Variants in LUZP4 observed in about 807,000 individuals in gnomAD.
The protein encoded by LUZP4 is leucine zipper protein 4, also known as HOM-TES-85 tumor antigen.
A neutral mutation model predicts 8.5 loss-of-function variants in LUZP4; 11 were observed. That is an observed-to-expected ratio of 1.30 (90% confidence interval 0.82 to 2.14). LUZP4 has a LOEUF of 2.14. LUZP4 is among the 30% of genes most tolerant of loss of function. The pLI is 0.00. For synonymous variants in LUZP4, 104 were observed against 79.4 expected (o/e 1.31, Z -1.65); for missense variants, 276 against 229.7 (o/e 1.20, Z -1.30).
intron 1 of LUZP4, among the ~76,000 whole-genome samples, chrX:115,299,660 C>T (rs941885910): frequency 1.8e-5 from 2 of 110,906 alleles, no homozygotes; most frequent in Non-Finnish European, 3.8e-5. Context: ...ATGAATGCTG[C>T]CTGGTCTGAG....
At chrX:115,302,169 A>T in intron 2 of LUZP4, 46 bp downstream of exon 2, 1 of 1,023,656 alleles carries the variant, frequency 9.8e-7, no homozygotes, top group Non-Finnish European at 1.3e-6. Flanking sequence ...AGAGTCTGAA[A>T]TATTTGTGAA....
chrX:115,306,630 G>T lies in LUZP4; in HGVS notation c.768G>T (p.Gln256His). 1 of 1,210,027 alleles carries T rather than the reference G, an allele frequency of 8.3e-7. No individual in the cohort carries two copies. The highest frequency in any genetic ancestry group is 3.0e-5 in the East Asian group (1 of 33,757). Residue 256 changes from glutamine to histidine, a missense_variant, in exon 4 of 4, where the codon CAG becomes CAT. Physicochemically the swap from Gln to His is conservative, Grantham distance 24. Transcript: ENST00000371920. Reference protein sequence around the residue: ...IATQRDLIATQKDLIATQRDL... With the variant: ...IATQRDLIATHKDLIATQRDL... ...CTCAGAGAGATCTCATAGCCACTCA[G>T]AAAGATCTCATAGCCACTCAGAGAG...
chrX:115,294,698 A>G (rs1338727352), intron 1 of LUZP4, among the ~76,000 whole-genome samples: 1 of 111,948 alleles, frequency 8.9e-6, no homozygotes, highest in Non-Finnish European at 1.9e-5. Flanking sequence ...TGTAACTTGA[A>G]TAATAGTGAA....
chrX:115,305,810 A>G (rs1202433087), intron 3 of LUZP4, among the ~76,000 whole-genome samples: 1 of 112,053 alleles, frequency 8.9e-6, no homozygotes, highest in Non-Finnish European at 1.9e-5. Context: ...AGAGTAAACA[A>G]TATGATTTTG....
intron 1 of LUZP4, among the ~76,000 whole-genome samples, chrX:115,299,441 T>G (rs1434402896): frequency 9.0e-6 from 1 of 110,595 alleles, no homozygotes; most frequent in Non-Finnish European, 1.9e-5. Context: ...GGACCTAGAG[T>G]CAAAAACCTT....
chrX:115,298,993 G>C (rs1165816744), intron 1 of LUZP4, among the ~76,000 whole-genome samples: 1 of 111,627 alleles, frequency 9.0e-6, no homozygotes, highest in African/African-American at 3.3e-5. Context: ...GATCTAAGCA[G>C]TTTCTACTTT....
intron 1 of LUZP4, among the ~76,000 whole-genome samples, chrX:115,291,104 A>G (rs1234941969): frequency 1.8e-5 from 2 of 108,564 alleles, no homozygotes; most frequent in Non-Finnish European, 3.8e-5. Context: ...CGGCCTAGTT[A>G]GTTATTTTTG....
At chrX:115,295,248 G>C (rs1267509475) in intron 1 of LUZP4, among the ~76,000 whole-genome samples, 1 of 110,872 alleles carries the variant, frequency 9.0e-6, no homozygotes, top group Non-Finnish European at 1.9e-5. Context: ...GCTCATTTTT[G>C]TATTTTCTTT....
intron 1 of LUZP4, among the ~76,000 whole-genome samples, chrX:115,293,607 G>A (rs1195069681): frequency 9.0e-6 from 1 of 110,576 alleles, no homozygotes; most frequent in Non-Finnish European, 1.9e-5. Flanking sequence ...TAAAAAAAAA[G>A]CTTGATATTT....
At chrX:115,297,563 C>A (rs927929724) in intron 1 of LUZP4, among the ~76,000 whole-genome samples, 2 of 111,801 alleles carry the variant, frequency 1.8e-5, no homozygotes, top group Admixed American at 1.9e-4. Flanking sequence ...TTCCCTTCAG[C>A]ACTTTATATC....
At chrX:115,304,249 A>G (rs2073410392) in intron 3 of LUZP4, among the ~76,000 whole-genome samples, 1 of 112,038 alleles carries the variant, frequency 8.9e-6, no homozygotes, top group African/African-American at 3.2e-5. Context: ...TAAGAAAGAA[A>G]TGTAATGCCA....
Position 115,302,056 on chromosome X carries a change from G to C in LUZP4, c.156G>C (p.Gln52His). The C allele has an allele frequency of 8.4e-7, 1 of 1,193,075 alleles. No individual in the cohort carries two copies. Among genetic ancestry groups the C allele is most frequent in the Middle Eastern group, 2.3e-4 (1 of 4,301 alleles). ...CTGAAGAAGAAAAGAATAAAAGACA[G>C]AACCATAGTAAAAAGGAATCGCCTT... The part of the protein sequence containing the change: ...TNAEEEKNKR[Q>H]NHSKKESPSR... The change falls in exon 2 of 4, where the codon CAG becomes CAC. Residue 52 changes from glutamine to histidine, a missense_variant. Coordinates refer to ENST00000371920, the MANE Select transcript of LUZP4 (RefSeq NM_016383.5).
chrX:115,294,840 G>A (rs186404332), intron 1 of LUZP4, among the ~76,000 whole-genome samples: 85 of 111,734 alleles, frequency 7.6e-4, no homozygotes, highest in African/African-American at 2.6e-3. Context: ...GAATTTGGTA[G>A]GTTAGTTGGA....
At chrX:115,295,924 G>C (rs1556598787) in intron 1 of LUZP4, among the ~76,000 whole-genome samples, 1 of 112,115 alleles carries the variant, frequency 8.9e-6, no homozygotes, top group Admixed American at 9.5e-5. Flanking sequence ...TAGTACACTA[G>C]TAAATAAACA....
chrX:115,306,656 A>C lies in LUZP4; in HGVS notation c.794A>C (p.Asp265Ala). The change falls in exon 4 of 4, where the codon GAT (aspartate) becomes GCT (alanine). Residue 265 changes from aspartate to alanine, a missense_variant. Coordinates refer to ENST00000371920, the MANE Select transcript of LUZP4 (RefSeq NM_016383.5). ...TQKDLIATQR[D>A]LIATQRDLIV... ...AAAGATCTCATAGCCACTCAGAGAG[A>C]TCTCATAGCCACTCAGAGAGATCTC... 2.5e-6 allele frequency: 3 copies of C among 1,211,305 alleles called. No homozygotes were observed. Among genetic ancestry groups the C allele is most frequent in the Non-Finnish European group, 3.4e-6 (3 of 895,417 alleles).
intron 3 of LUZP4, 147 bp from the exon 4 acceptor site, chrX:115,306,058 C>G: frequency 1.7e-5 from 10 of 580,967 alleles, no homozygotes; most frequent in Non-Finnish European, 2.7e-5. Flanking sequence ...TAAGTTAGTT[C>G]TAAAAACTGG....
At chrX:115,296,422 T>C (rs1556598934) in intron 1 of LUZP4, among the ~76,000 whole-genome samples, 1 of 111,290 alleles carries the variant, frequency 9.0e-6, no homozygotes, top group Non-Finnish European at 1.9e-5. Context: ...CTAAGTGTTC[T>C]CTAGGTGGAT....
At chrX:115,294,715 G>A (rs1405588524) in intron 1 of LUZP4, among the ~76,000 whole-genome samples, 2 of 111,614 alleles carry the variant, frequency 1.8e-5, no homozygotes, top group Non-Finnish European at 3.8e-5. Context: ...TGAAGTAAAC[G>A]GACTTAGGAG....
In LUZP4 at chrX:115,299,731, A is replaced by G. The variant is rs1469671420; in HGVS notation, c.92-2261A>G. Among the ~76,000 whole-genome samples the G allele has an allele frequency of 4.5e-5, 5 of 110,779 alleles. No homozygotes were observed. The Admixed American group carries it at 4.8e-4, about 11-fold the overall frequency. ...TAGGGCAGTTCCAGAAGTGTTATCC[A>G]AGAGTCAAGTCCTGGAATCACGGAT... On this transcript the variant is annotated intron_variant, in intron 1 of 3. Coordinates refer to ENST00000371920, the MANE Select transcript of LUZP4 (RefSeq NM_016383.5).
Sources: allele counts gnomAD v4.1 joint callset (sites outside exome capture counted in the v4.1 genomes callset), GRCh38; gene constraint gnomAD v4.1.1; transcripts MANE v1.5; gene names NCBI Gene and HGNC (gene_info 2026-07-23, HGNC 2026-07-21).